Variants in ZSWIM5 observed in about 807,000 individuals in gnomAD.
ZSWIM5 encodes zinc finger SWIM-type containing 5, also known as zinc finger SWIM domain-containing protein 5.
In ZSWIM5, 55 loss-of-function variants were observed where a neutral mutation model predicts 119.6. The ratio of observed to expected loss-of-function variants is 0.46; its 90% CI spans 0.37 to 0.58. ZSWIM5 has a LOEUF of 0.58. Ranked by LOEUF, ZSWIM5 falls within the 20% of genes least tolerant of loss-of-function variation. The probability of loss-of-function intolerance (pLI) is 0.00; values close to 1 mark genes in which losing one functional copy is unlikely to be tolerated. For missense variants in ZSWIM5, 1,193 were observed against 1,512.8 expected (o/e 0.79, Z 3.51); for synonymous variants, 537 against 606.9 (o/e 0.88, Z 1.69).
intron 1 of ZSWIM5, among the ~76,000 whole-genome samples, chr1:45,126,236 A>T (rs1396433011): frequency 1.3e-5 from 2 of 151,862 alleles, no homozygotes; most frequent in Non-Finnish European, 2.9e-5. Context: ...AAAATCAATG[A>T]AACAAAAATC....
intron 1 of ZSWIM5, among the ~76,000 whole-genome samples, chr1:45,146,943 G>C (rs1645765409): frequency 6.6e-6 from 1 of 152,058 alleles, no homozygotes; most frequent in African/African-American, 2.4e-5. Context: ...TGAATTCTAA[G>C]TTTTCAAGGC....
chr1:45,114,920 T>G (rs1371854414), intron 1 of ZSWIM5, among the ~76,000 whole-genome samples: 3 of 152,222 alleles, frequency 2.0e-5, no homozygotes, highest in Non-Finnish European at 4.4e-5. Flanking sequence ...CATTTAACCC[T>G]TAGTGGACAC....
intron 1 of ZSWIM5, among the ~76,000 whole-genome samples, chr1:45,159,636 T>C (rs1262111023): frequency 6.6e-6 from 1 of 152,182 alleles, no homozygotes; most frequent in Non-Finnish European, 1.5e-5. Context: ...TTGGCCAGGC[T>C]GGAGTGCAGT....
At position 45,018,973 on chromosome 1, in the gene ZSWIM5, C is replaced by T. The variant is rs370890394; in HGVS notation, c.3039G>A (p.Pro1013=). 80 of 1,614,180 alleles carry T rather than the reference C, an allele frequency of 5.0e-5. No homozygotes were observed. In the African/African-American group the frequency reaches 6.0e-4, roughly 12 times the overall value. ...IARYMELRGY[P]LRAFKLASLA... ...ATGAGGCCAGCTTGAAGGCACGTAG[C>T]GGGTAGCCACGGAGCTCCATGTAGC... Residue 1013 remains proline, a synonymous_variant, in exon 14 of 14, where the codon CCG becomes CCA. Coordinates refer to ENST00000359600, the MANE Select transcript of ZSWIM5 (RefSeq NM_020883.2). This position sits in a 1 kb window ranked among gnomAD's most constrained non-coding sequence, Gnocchi z 6.7.
chr1:45,125,539 C>T (rs1386755480), intron 1 of ZSWIM5, among the ~76,000 whole-genome samples: 1 of 151,978 alleles, frequency 6.6e-6, no homozygotes, highest in Non-Finnish European at 1.5e-5. Context: ...ATTTGGGAGG[C>T]CAACGCAGGG....
chr1:45,069,396 A>G (rs1482748392), intron 2 of ZSWIM5, among the ~76,000 whole-genome samples: 4 of 151,760 alleles, frequency 2.6e-5, no homozygotes, highest in African/African-American at 9.7e-5. Context: ...ACTGCACTCC[A>G]GCCTGGACGA....
At chr1:45,177,974 A>G (rs1171967560) in intron 1 of ZSWIM5, among the ~76,000 whole-genome samples, 1 of 151,484 alleles carries the variant, frequency 6.6e-6, no homozygotes, top group Non-Finnish European at 1.5e-5. Flanking sequence ...ATCTCAGGTG[A>G]TCTGCCTGCC....
At chr1:45,059,960 T>C in intron 3 of ZSWIM5, 139 bp downstream of exon 3, 1 of 1,088,776 alleles carries the variant, frequency 9.2e-7, no homozygotes, top group East Asian at 2.5e-5. Context: ...GGTCAGCCTC[T>C]CCCACTAGAT....
At chr1:45,067,291 T>A (rs1392953536) in intron 2 of ZSWIM5, among the ~76,000 whole-genome samples, 1 of 151,528 alleles carries the variant, frequency 6.6e-6, no homozygotes, top group Admixed American at 6.6e-5. Flanking sequence ...ATACAAAAAT[T>A]AGCCAAGCAT....
At chr1:45,046,556 G>A (rs1204366779) in intron 5 of ZSWIM5, among the ~76,000 whole-genome samples, 1 of 151,870 alleles carries the variant, frequency 6.6e-6, no homozygotes, top group Non-Finnish European at 1.5e-5. Flanking sequence ...TGAGATGCCT[G>A]TTAACAGATA....
chr1:45,119,779 G>T (rs1302323395), intron 1 of ZSWIM5, among the ~76,000 whole-genome samples: 1 of 152,068 alleles, frequency 6.6e-6, no homozygotes, highest in Non-Finnish European at 1.5e-5. Context: ...AGCACAGTCT[G>T]GTAGTAATGA....
rs1185046899 is a variant in ZSWIM5, at chr1:45,051,250, G to T, written c.1256C>A (p.Ala419Asp). The stretch of plus-strand genomic sequence containing the variant: ...ATTTAAAATTATGCACACCCATAAA[G>T]CCCCTGGAAAATAAAGCAACCCATA... Reference protein sequence around the residue: ...KCRQLWDELGALWVCIILNPH... With the variant: ...KCRQLWDELGDLWVCIILNPH... The change falls in exon 5 of 14, where the codon GCT (alanine) becomes GAT (aspartate). Residue 419 changes from alanine to aspartate, a missense_variant. Ala to Asp is a moderately radical substitution (Grantham distance 126). Transcript: ENST00000359600. 1.2e-6 allele frequency: 2 copies of T among 1,612,742 alleles called. No individual in the cohort carries two copies. Among genetic ancestry groups the T allele is most frequent in the African/African-American group, 1.3e-5 (1 of 74,914 alleles).
At chr1:45,197,878 C>A (rs1255030113) in intron 1 of ZSWIM5, among the ~76,000 whole-genome samples, 1 of 152,152 alleles carries the variant, frequency 6.6e-6, no homozygotes, top group African/African-American at 2.4e-5. Context: ...TATGGTGAAG[C>A]TTGGGAGAAA....
In ZSWIM5 at chr1:45,019,208, C is replaced by T. The variant is rs369320287; in HGVS notation, c.2804G>A (p.Arg935His). ...ATAVSHTTIL[R>H]LSLDYPQREE... The stretch of plus-strand genomic sequence containing the variant: ...CCGCTGTGGATAGTCAAGACTGAGG[C>T]GCAGGATAGTGGTGTGGGATACGGC... The change falls in exon 14 of 14, where the codon CGC becomes CAC. Residue 935 changes from arginine (R) to histidine (H), a missense_variant. Around this residue, in one of 2 missense-constraint regions of ZSWIM5, gnomAD observed 961 missense variants for 1,290.0 expected, o/e 0.74. Transcript: ENST00000359600. This position sits in a 1 kb window ranked among gnomAD's most constrained non-coding sequence, Gnocchi z 5.0. 20 of 1,613,488 alleles carry T rather than the reference C, an allele frequency of 1.2e-5. No individual in the cohort carries two copies. The African/African-American group carries it at 1.6e-4, about 13-fold the overall frequency.
At chr1:45,037,548 G>A (rs1029717408) in intron 8 of ZSWIM5, among the ~76,000 whole-genome samples, 2 of 152,212 alleles carry the variant, frequency 1.3e-5, no homozygotes, top group Non-Finnish European at 2.9e-5. Flanking sequence ...ACCTTAAAGG[G>A]ATTAGACCAT....
chr1:45,048,193 C>T (rs562271937), intron 5 of ZSWIM5, among the ~76,000 whole-genome samples: 21 of 151,092 alleles, frequency 1.4e-4, no homozygotes, highest in Non-Finnish European at 2.8e-4. Context: ...AAGCAATCCA[C>T]GATACCTGGC....
At chr1:45,103,385 T>C (rs1645451595) in intron 1 of ZSWIM5, among the ~76,000 whole-genome samples, 1 of 152,182 alleles carries the variant, frequency 6.6e-6, no homozygotes, top group African/African-American at 2.4e-5. Flanking sequence ...ATTTCCCTGT[T>C]TCCGATAAGA....
At chr1:45,048,507 G>A (rs1219726038) in intron 5 of ZSWIM5, among the ~76,000 whole-genome samples, 1 of 152,184 alleles carries the variant, frequency 6.6e-6, no homozygotes, top group Non-Finnish European at 1.5e-5. Context: ...TAACGTGGAT[G>A]AGGAGGAAAA....
intron 4 of ZSWIM5, among the ~76,000 whole-genome samples, chr1:45,054,093 A>T (rs934705350): frequency 6.6e-6 from 1 of 152,072 alleles, no homozygotes; most frequent in Admixed American, 6.6e-5. Context: ...CAGCCTGGGC[A>T]ACATAGTGAG....
Sources: allele counts gnomAD v4.1 joint callset (sites outside exome capture counted in the v4.1 genomes callset), GRCh38; gene constraint gnomAD v4.1.1; regional missense constraint gnomAD v4.1.1; non-coding constraint Gnocchi (gnomAD v3.1); transcripts MANE v1.5; gene names NCBI Gene and HGNC (gene_info 2026-07-23, HGNC 2026-07-21).